MACROD2: variants seen among roughly 807,000 people sequenced by gnomAD.
The protein encoded by MACROD2 is ADP-ribose glycohydrolase MACROD2.
In MACROD2, 36 loss-of-function variants were observed where a neutral mutation model predicts 70.4. That is an observed-to-expected ratio of 0.51 (90% CI 0.39 to 0.68). The LOEUF is 0.68. Among genes scored for constraint, MACROD2 ranks in the 30% least tolerant of loss-of-function variants. The pLI, the probability that MACROD2 is intolerant of heterozygous loss-of-function variation, is 0.00. For missense variants in MACROD2, 496 were observed against 538.4 expected, an observed-to-expected ratio of 0.92 and a Z score of 0.78; for synonymous variants, 172 against 178.8, an observed-to-expected ratio of 0.96 and a Z score of 0.30.
chr20:14,198,211 A>G (rs1339418233), intron 3 of MACROD2, among the ~76,000 whole-genome samples: 1 of 152,058 alleles, frequency 6.6e-6, no homozygotes, highest in Non-Finnish European at 1.5e-5. Context: ...GAAAAGAGAG[A>G]GAAGAGAGAG....
At chr20:14,117,021 C>G (rs1008813235) in intron 3 of MACROD2, among the ~76,000 whole-genome samples, 4 of 147,882 alleles carry the variant, frequency 2.7e-5, no homozygotes, top group African/African-American at 1.0e-4. Flanking sequence ...GAGCCGAGAT[C>G]GTGCCACTGC....
intron 3 of MACROD2, among the ~76,000 whole-genome samples, chr20:14,219,637 G>A (rs1032310804): frequency 6.6e-6 from 1 of 152,178 alleles, no homozygotes; most frequent in Non-Finnish European, 1.5e-5. Context: ...GTTTTCTGGT[G>A]CCTTCTCATT....
intron 8 of MACROD2, among the ~76,000 whole-genome samples, chr20:15,744,885 G>T (rs902696001): frequency 3.3e-5 from 5 of 152,122 alleles, no homozygotes; most frequent in Non-Finnish European, 7.3e-5. Context: ...TGCACAGCGT[G>T]CAGGTTTCTT....
At chr20:15,350,418 G>C (rs973867259) in intron 6 of MACROD2, among the ~76,000 whole-genome samples, 2 of 152,138 alleles carry the variant, frequency 1.3e-5, no homozygotes, top group Admixed American at 1.3e-4. Context: ...TCAACTTTTA[G>C]TTCTCACCTG....
At chr20:14,619,529 AG>A (rs1452460167) in intron 4 of MACROD2, among the ~76,000 whole-genome samples, 1 of 50,818 alleles carries the variant, frequency 2.0e-5, no homozygotes, top group Non-Finnish European at 3.7e-5. Flanking sequence ...GGAAGGAGGG[AG>A]GGAAGGAAGG....
At chr20:14,085,166 C>CA (rs11482652) in intron 2 of MACROD2, among the ~76,000 whole-genome samples, 135,741 of 147,204 alleles carry the variant, frequency 0.92, 62,645 homozygotes, top group East Asian at 1. Flanking sequence ...ATTCCCTCTC[C>CA]AAAAAAAAAG....
chr20:14,896,591 T>A (rs1206737683), intron 5 of MACROD2, among the ~76,000 whole-genome samples: 1 of 151,832 alleles, frequency 6.6e-6, no homozygotes, highest in Non-Finnish European at 1.5e-5. Context: ...CCTCCTCACC[T>A]GAGGAAACAG....
intron 6 of MACROD2, among the ~76,000 whole-genome samples, chr20:15,260,884 G>T (rs1023404199): frequency 2.6e-5 from 4 of 152,008 alleles, no homozygotes; most frequent in African/African-American, 9.7e-5. Flanking sequence ...TTTTGCAAAA[G>T]AAGTCACATT....
At chr20:15,625,885 A>G (rs1468208025) in intron 8 of MACROD2, among the ~76,000 whole-genome samples, 4 of 130,200 alleles carry the variant, frequency 3.1e-5, no homozygotes, top group African/African-American at 8.8e-5. Flanking sequence ...TGAAATTTGT[A>G]TCAGTTATCC....
chr20:15,216,510 T>C (rs1017878567), intron 5 of MACROD2, among the ~76,000 whole-genome samples: 22 of 152,322 alleles, frequency 1.4e-4, no homozygotes, highest in African/African-American at 5.3e-4. Context: ...AGAAAAATCT[T>C]CAACATTCGG....
intron 3 of MACROD2, among the ~76,000 whole-genome samples, chr20:14,460,805 T>C (rs201948290): frequency 6.6e-6 from 1 of 152,070 alleles, no homozygotes; most frequent in Admixed American, 6.6e-5. Context: ...TTTTGATGTG[T>C]TGCTAATTCA....
chr20:14,735,873 A>C (rs2071658131), intron 5 of MACROD2, among the ~76,000 whole-genome samples: 1 of 152,046 alleles, frequency 6.6e-6, no homozygotes, highest in Admixed American at 6.6e-5. Flanking sequence ...AATAACAATA[A>C]ATAAATAAAT....
chr20:15,444,374 A>G (rs1034034371), intron 7 of MACROD2, among the ~76,000 whole-genome samples: 12 of 152,186 alleles, frequency 7.9e-5, no homozygotes, highest in Non-Finnish European at 2.9e-5. Context: ...AAGCATAATT[A>G]CATCGCTAAA....
chr20:14,231,220 G>A (rs1446684649), intron 3 of MACROD2, among the ~76,000 whole-genome samples: 5 of 151,674 alleles, frequency 3.3e-5, no homozygotes, highest in African/African-American at 4.8e-5. Flanking sequence ...CATGTGCCAT[G>A]TTGGTGTGCT....
chr20:14,416,994 T>G (rs1180562160), intron 3 of MACROD2, among the ~76,000 whole-genome samples: 1 of 152,188 alleles, frequency 6.6e-6, no homozygotes, highest in African/African-American at 2.4e-5. Flanking sequence ...TTTTCTGTTA[T>G]GTGAACACAC....
chr20:14,843,170 T>G (rs1356847754), intron 5 of MACROD2, among the ~76,000 whole-genome samples: 1 of 150,078 alleles, frequency 6.7e-6, no homozygotes, highest in East Asian at 1.9e-4. Flanking sequence ...TAACTTTTTT[T>G]TTTTTTTTTT....
At position 15,472,049 on chromosome 20, in the gene MACROD2, G is replaced by A. The variant is rs545814914; in HGVS notation, c.572-27725G>A. Among the ~76,000 whole-genome samples, 163 of 152,076 alleles carry A rather than the reference G, an allele frequency of 1.1e-3. 2 individuals carry two copies. The highest frequency in any genetic ancestry group is 1.1e-3 in the Admixed American group (17 of 15,274). ...CATTTACTGTTTTTACCATCTCCCC[G>A]CAATGATCCCAAATCATTTTCAATG... On this transcript the variant is annotated intron_variant, in intron 7 of 17. Transcript: ENST00000684519.
At chr20:13,999,877 C>T (rs1168920514) in intron 1 of MACROD2, among the ~76,000 whole-genome samples, 1 of 152,064 alleles carries the variant, frequency 6.6e-6, no homozygotes, top group Non-Finnish European at 1.5e-5. Context: ...TGTGGTATTT[C>T]CCTTAGTGCA....
chr20:15,347,661 TTATAA>T (rs971268002), intron 6 of MACROD2, among the ~76,000 whole-genome samples: 3 of 152,182 alleles, frequency 2.0e-5, no homozygotes, highest in Non-Finnish European at 2.9e-5. Context: ...TTTTAATCAC[TTATAA>T]TATAATATGA....
Sources: gnomAD v4.1 joint callset for allele counts (sites outside exome capture counted in the v4.1 genomes callset) on GRCh38, gnomAD v4.1.1 for gene constraint, MANE v1.5 for transcripts, NCBI Gene and HGNC (gene_info 2026-07-23, HGNC 2026-07-21) for gene names.